The following UTP25 variants were observed in gnomAD, a reference collection of about 807,000 sequenced individuals.
UTP25 encodes UTP25 small subunit processome component, also known as U3 small nucleolar RNA-associated protein 25 homolog.
A neutral mutation model predicts 78.9 loss-of-function variants in UTP25; 50 were observed. The observed-to-expected ratio is 0.63, with a 90% CI of 0.50 to 0.80. UTP25 has a LOEUF of 0.80. UTP25 is among the 30% of genes least tolerant of loss of function. The pLI is 0.00. For missense variants in UTP25, 846 were observed against 911.3 expected, an observed-to-expected ratio of 0.93 and a Z score of 0.92; for synonymous variants, 329 against 336.5, an observed-to-expected ratio of 0.98 and a Z score of 0.24.
Position 209,828,148 on chromosome 1 carries a change from G to A in UTP25, c.85G>A (p.Glu29Lys). 1 of 1,614,074 alleles carries A rather than the reference G, an allele frequency of 6.2e-7. No individual in the cohort carries two copies. The highest frequency in any genetic ancestry group is 8.5e-7 in the Non-Finnish European group (1 of 1,179,944). Reference sequence around the variant, plus strand: ...GAAGAAACATCTTCGAGATTTCGGCGAGGAGCATCCCTTCTATGACAGGTC... The same window carrying A: ...GAAGAAACATCTTCGAGATTTCGGCAAGGAGCATCCCTTCTATGACAGGTC... ...KQKKHLRDFG[E>K]EHPFYDRVSR... The change falls in exon 1 of 12, where the codon GAG (glutamate) becomes AAG (lysine). Residue 29 changes from glutamate to lysine, a missense_variant. By Grantham distance (56) the Glu-to-Lys change is moderately conservative (BLOSUM62 1). Coordinates refer to ENST00000491415, the MANE Select transcript of UTP25 (RefSeq NM_014388.7).
intron 5 of UTP25, among the ~76,000 whole-genome samples, chr1:209,836,025 C>A (rs1192790886): frequency 6.6e-6 from 1 of 152,132 alleles, no homozygotes; most frequent in East Asian, 1.9e-4. Context: ...ATAACCATAT[C>A]TGCCTCCCTC....
At position 209,843,572 on chromosome 1, in the gene UTP25, G is replaced by A. The variant is rs142546646; in HGVS notation, c.1903G>A (p.Glu635Lys). Reference protein sequence around the residue: ...VRLRNYFKKEELNFTHICEYT... With the variant: ...VRLRNYFKKEKLNFTHICEYT... Reference sequence around the variant, plus strand: ...TCTTCGAAATTACTTCAAGAAGGAGGAATTGAATTTTACCCACATCTGCGA... The same window carrying A: ...TCTTCGAAATTACTTCAAGAAGGAGAAATTGAATTTTACCCACATCTGCGA... The change falls in exon 11 of 12, where the codon GAA (glutamate) becomes AAA (lysine). Residue 635 changes from glutamate to lysine, a missense_variant. Transcript: ENST00000491415. 2,029 of 1,614,172 alleles carry A rather than the reference G, an allele frequency of 1.3e-3. 1 individual carries two copies. The highest frequency in any genetic ancestry group is 1.5e-3 in the Non-Finnish European group (1,770 of 1,180,024).
At position 209,856,643 on chromosome 1, in the gene UTP25, C is replaced by T. The variant is rs1040775901; in HGVS notation, c.*5196C>T. ...AGCCATTAGGCCAGGCCTCTATTAGCCATTCCTGACTGATACAGAAGACAA... is the reference window on the plus strand; with the variant it reads ...AGCCATTAGGCCAGGCCTCTATTAGTCATTCCTGACTGATACAGAAGACAA... On this transcript the variant is annotated 3_prime_UTR_variant, in exon 12 of 12. Transcript: ENST00000491415. The T allele has an allele frequency of 1.3e-5, 2 of 152,244 alleles. No individual in the cohort carries two copies. The highest frequency in any genetic ancestry group is 1.3e-4 in the Admixed American group (2 of 15,286). The allele number at this position is 152,244 out of a possible 1,614,324, so 9.4% of individuals were successfully genotyped here. A position where few individuals can be genotyped will look rare whatever the true frequency, so the allele number is the denominator to read the frequency against.
At chr1:209,846,447 G>A (rs1041782548) in intron 11 of UTP25, among the ~76,000 whole-genome samples, 4 of 152,070 alleles carry the variant, frequency 2.6e-5, no homozygotes, top group Non-Finnish European at 4.4e-5. Flanking sequence ...AACTGGAGGT[G>A]GGATTTGTGG....
chr1:209,837,997 G>A (rs779551038), intron 6 of UTP25, among the ~76,000 whole-genome samples: 6 of 152,074 alleles, frequency 3.9e-5, no homozygotes, highest in Admixed American at 6.6e-5. Context: ...GTGTAATAGC[G>A]GGGGAAACCA....
At position 209,838,779 on chromosome 1, in the gene UTP25, A is replaced by G. The variant is rs751641207; in HGVS notation, c.1063-130A>G. 570 of 999,574 alleles carry G rather than the reference A, an allele frequency of 5.7e-4. 2 individuals are homozygous for G. Among genetic ancestry groups the G allele is most frequent in the Middle Eastern group, 2.3e-4 (1 of 4,366 alleles). The allele number at this position is 999,574 out of a possible 1,614,324, so 61.9% of individuals were successfully genotyped here. A position where few individuals can be genotyped will look rare whatever the true frequency, so the allele number is the denominator to read the frequency against. ...CCAAGCCCTGCGCAAAGCGGGTAACATAGGTATGTTTCTTGGCTGGGGGCC... is the reference window on the plus strand; with the variant it reads ...CCAAGCCCTGCGCAAAGCGGGTAACGTAGGTATGTTTCTTGGCTGGGGGCC... On this transcript the variant is annotated intron_variant, in intron 6 of 11. Coordinates refer to ENST00000491415, the MANE Select transcript of UTP25 (RefSeq NM_014388.7).
At chr1:209,831,066 C>T in intron 3 of UTP25, 23 bp downstream of exon 3, 3 of 1,613,136 alleles carry the variant, frequency 1.9e-6, no homozygotes, top group Non-Finnish European at 2.5e-6. Context: ...ACTATAGGCT[C>T]ATCATCTTTG....
intron 7 of UTP25, among the ~76,000 whole-genome samples, chr1:209,840,631 C>G (rs553775577): frequency 3.9e-5 from 6 of 151,968 alleles, no homozygotes; most frequent in African/African-American, 1.5e-4. Context: ...TTGATAGTGA[C>G]GGAAAGGAAG....
intron 10 of UTP25, chr1:209,843,115 G>A (rs2078176950): frequency 2.6e-6 from 1 of 383,598 alleles, no homozygotes; most frequent in South Asian, 3.1e-5. Context: ...CTTAGTATAT[G>A]GTAGATGTTC....
At chr1:209,851,057 A>G (rs2078234647) in intron 11 of UTP25, 147 bp from the exon 12 acceptor site, 4 of 805,354 alleles carry the variant, frequency 5.0e-6, no homozygotes, top group South Asian at 2.3e-5. Flanking sequence ...TCAAGTTAGA[A>G]TAACTTTTGT....
In UTP25 at chr1:209,837,775, C is replaced by G. The variant is rs12239038; in HGVS notation, c.1062+564C>G. 5.9e-5 allele frequency among the ~76,000 whole-genome samples: 9 copies of G among 152,292 alleles called. No homozygotes were observed. The South Asian group carries it at 1.9e-3, about 32-fold the overall frequency. On this transcript the variant is annotated intron_variant, in intron 6 of 11. Coordinates refer to ENST00000491415, the MANE Select transcript of UTP25 (RefSeq NM_014388.7). ...GCGTTTGTATTCATAAGTCTAAGCT[C>G]TAGTGGATTTGAGGCCTTAACAGGA...
rs768691977 is a variant in UTP25, at chr1:209,842,599, T to G, written c.1685T>G (p.Val562Gly). ...TACTGGCAGGTGGCCGTGAGGAATG[T>G]CCCAATGACAGGCTCTATCAGTCAT... is the stretch of plus-strand genomic sequence containing the variant. The part of the protein sequence containing the change: ...NMQGQVAVRN[V>G]PMTGSISHVL... Residue 562 changes from valine to glycine, a missense_variant, in exon 10 of 12, where the codon GTC becomes GGC. Transcript: ENST00000491415. 2.5e-6 allele frequency: 4 copies of G among 1,613,918 alleles called. No homozygotes were observed. Among genetic ancestry groups the G allele is most frequent in the South Asian group, 2.2e-5 (2 of 91,038 alleles).
At position 209,842,530 on chromosome 1, in the gene UTP25, C is replaced by A. The variant is rs1466606307; in HGVS notation, c.1669-53C>A. 6 of 1,610,976 alleles carry A rather than the reference C, an allele frequency of 3.7e-6. 1 individual carries two copies. The South Asian group carries it at 6.6e-5, about 18-fold the overall frequency. On this transcript the variant is annotated intron_variant, in intron 9 of 11. Coordinates refer to ENST00000491415, the MANE Select transcript of UTP25 (RefSeq NM_014388.7). The stretch of plus-strand genomic sequence containing the variant: ...CTGAGGTAGAAGGAGGCGATAGCTT[C>A]TGGTCAAGAAGGGGATGGCTGTCCA...
rs991111389 is a variant in UTP25 at position 209,854,337 on chromosome 1, G to A, written c.*2890G>A. ...CACTTTTCTTTTTGAGAGAGAAAAAGCTTTGAATCGTGGATGCTTCTCACA... is the reference window on the plus strand; with the variant it reads ...CACTTTTCTTTTTGAGAGAGAAAAAACTTTGAATCGTGGATGCTTCTCACA... On this transcript the variant is annotated 3_prime_UTR_variant, in exon 12 of 12. Coordinates refer to ENST00000491415, the MANE Select transcript of UTP25 (RefSeq NM_014388.7). The A allele has an allele frequency of 2.0e-5, 3 of 152,148 alleles. No homozygotes were observed. Among genetic ancestry groups the A allele is most frequent in the Non-Finnish European group, 4.4e-5 (3 of 68,020 alleles). 9.4% of individuals were successfully genotyped at this position (152,148 alleles called of 1,614,324 possible).
chr1:209,850,707 A>T (rs2078225818), intron 11 of UTP25, among the ~76,000 whole-genome samples: 1 of 152,198 alleles, frequency 6.6e-6, no homozygotes, highest in African/African-American at 2.4e-5. Flanking sequence ...AAATGGATGA[A>T]CTTGGGACGT....
At chr1:209,842,063 G>A (rs1486707690) in intron 8 of UTP25, among the ~76,000 whole-genome samples, 5 of 152,162 alleles carry the variant, frequency 3.3e-5, no homozygotes, top group Non-Finnish European at 5.9e-5. Flanking sequence ...TAAAATTCCA[G>A]GAGGGCCAGT....
intron 6 of UTP25, 81 bp downstream of exon 6, chr1:209,837,292 C>T: frequency 6.8e-7 from 1 of 1,467,042 alleles, no homozygotes; most frequent in Non-Finnish European, 9.1e-7. Flanking sequence ...TTAGCAGGAA[C>T]TTGGGTATTT....
In UTP25 at chr1:209,833,367, A is replaced by G. The variant is rs2078114346; in HGVS notation, c.562+9A>G. ...TTTGAAAGCCTCTCAAGGTCATAGC[A>G]CAGTGTGTGTTATTTGAATTCACCA... On this transcript the variant is annotated intron_variant, in intron 4 of 11. Transcript: ENST00000491415. 1.3e-6 allele frequency: 2 copies of G among 1,529,840 alleles called. No individual in the cohort carries two copies. Among genetic ancestry groups the G allele is most frequent in the Non-Finnish European group, 1.8e-6 (2 of 1,142,270 alleles). The allele number at this position is 1,529,840 out of a possible 1,614,324, so 94.8% of individuals were successfully genotyped here.
chr1:209,828,106 A>G lies in UTP25; in HGVS notation c.43A>G (p.Thr15Ala). The G allele has an allele frequency of 6.2e-7, 1 of 1,614,032 alleles. No individual in the cohort carries two copies. The highest frequency in any genetic ancestry group is 8.5e-7 in the Non-Finnish European group (1 of 1,180,000). The change falls in exon 1 of 12, where the codon ACC becomes GCC. Residue 15 changes from threonine to alanine, a missense_variant. By Grantham distance (58) the Thr-to-Ala change is moderately conservative. Transcript: ENST00000491415. ...GSRSQSQLLN[T>A]LTKKQKKHLR... ...CCGGAGCCAGAGCCAGCTACTCAAC[A>G]CCCTAACTAAAAAGCAGAAGAAACA...
Sources: gnomAD v4.1 joint callset for allele counts (sites outside exome capture counted in the v4.1 genomes callset) on GRCh38, gnomAD v4.1.1 for gene constraint, MANE v1.5 for transcripts, NCBI Gene and HGNC (gene_info 2026-07-23, HGNC 2026-07-21) for gene names.